Variants in USP34 observed in about 807,000 individuals in gnomAD.
USP34 encodes the protein ubiquitin specific peptidase 34, also known as ubiquitin carboxyl-terminal hydrolase 34.
Under a neutral mutation model 460.3 loss-of-function variants are expected in USP34, and 70 were observed. The observed-to-expected ratio is 0.15, with a 90% CI of 0.13 to 0.19. USP34 has a LOEUF of 0.19. USP34 is among the 10% of genes least tolerant of loss of function. USP34 has a pLI of 1.00. For synonymous variants in USP34, 1,647 were observed against 1,405.3 expected, an observed-to-expected ratio of 1.17 and a Z score of -3.85; for missense variants, 3,985 against 4,236.2, an observed-to-expected ratio of 0.94 and a Z score of 1.65.
intron 18 of USP34, among the ~76,000 whole-genome samples, chr2:61,335,463 T>C (rs979021718): frequency 6.6e-6 from 1 of 152,106 alleles, no homozygotes; most frequent in Non-Finnish European, 1.5e-5. Context: ...CCACAAAGGC[T>C]CAATGGCCAA....
At chr2:61,368,292 C>A (rs949403367) in intron 10 of USP34, among the ~76,000 whole-genome samples, 1 of 152,112 alleles carries the variant, frequency 6.6e-6, no homozygotes, top group Non-Finnish European at 1.5e-5. Context: ...ATTAGCTGGG[C>A]GTGGTGGCGC....
At chr2:61,442,150 A>G (rs775555052) in intron 1 of USP34, among the ~76,000 whole-genome samples, 3 of 152,188 alleles carry the variant, frequency 2.0e-5, no homozygotes, top group Non-Finnish European at 4.4e-5. Flanking sequence ...TAACAAAACT[A>G]TAAGACTACT....
chr2:61,391,023 A>T (rs941424505), intron 5 of USP34, among the ~76,000 whole-genome samples: 10 of 151,866 alleles, frequency 6.6e-5, no homozygotes, highest in African/African-American at 2.4e-4. Context: ...TGAATCTGGG[A>T]GGCGGAGGCT....
chr2:61,189,191 T>A, intron 78 of USP34, 122 bp from the exon 79 acceptor site: 1 of 991,258 alleles, frequency 1.0e-6, no homozygotes, highest in Non-Finnish European at 1.5e-6. Flanking sequence ...ATACCCTGGT[T>A]TCTCTGGGAT....
intron 27 of USP34, among the ~76,000 whole-genome samples, chr2:61,310,634 T>C (rs1047488473): frequency 6.6e-6 from 1 of 150,486 alleles, no homozygotes. Flanking sequence ...ATATCAGATA[T>C]ATACCTATAA....
chr2:61,405,892 T>C lies in USP34; in HGVS notation c.368A>G (p.Glu123Gly), dbSNP rs766987213. The C allele has an allele frequency of 7.4e-6, 12 of 1,613,604 alleles. No individual in the cohort carries two copies. The Admixed American group carries it at 1.5e-4, about 20-fold the overall frequency. Residue 123 changes from glutamate (E) to glycine (G), a missense_variant, in exon 3 of 80, where the codon GAA (glutamate) becomes GGA (glycine). This residue lies in a region of USP34 where 331 missense variants were observed against 293.7 expected (regional missense o/e 1.13). Coordinates refer to ENST00000398571, the MANE Select transcript of USP34 (RefSeq NM_014709.4). ...AATTCTTGTAGAGTTTGATTTTTTT[T>C]CTATTGATTTTTGTCTTTCTGTACT... ...EGSTERQKSI[E>G]KKSNSTRICN...
At chr2:61,294,479 T>C (rs765257333) in intron 32 of USP34, among the ~76,000 whole-genome samples, 1 of 151,996 alleles carries the variant, frequency 6.6e-6, no homozygotes, top group Non-Finnish European at 1.5e-5. Flanking sequence ...AGTGCTGTGG[T>C]GCGATCTCAG....
chr2:61,316,899 A>C (rs925353269), intron 23 of USP34, among the ~76,000 whole-genome samples: 1 of 152,060 alleles, frequency 6.6e-6, no homozygotes, highest in Non-Finnish European at 1.5e-5. Context: ...AAATAATAAT[A>C]ATAAAAATTT....
chr2:61,381,265 A>AACAC (rs528571272), intron 6 of USP34, among the ~76,000 whole-genome samples: 13 of 61,140 alleles, frequency 2.1e-4, no homozygotes, highest in African/African-American at 4.5e-4. Flanking sequence ...AAAAAAATAA[A>AACAC]ACACACACAC....
chr2:61,243,947 T>C (rs1283853333), intron 51 of USP34, among the ~76,000 whole-genome samples: 1 of 151,838 alleles, frequency 6.6e-6, no homozygotes, highest in Non-Finnish European at 1.5e-5. Flanking sequence ...AGTAACTCAA[T>C]ATTTACTTCC....
chr2:61,411,035 T>C (rs1694021113), intron 2 of USP34, among the ~76,000 whole-genome samples: 1 of 151,728 alleles, frequency 6.6e-6, no homozygotes, highest in Admixed American at 6.6e-5. Flanking sequence ...TGAAAACAAG[T>C]TTTTTCTATA....
chr2:61,219,581 G>A (rs927766673), intron 67 of USP34, among the ~76,000 whole-genome samples: 5 of 150,930 alleles, frequency 3.3e-5, no homozygotes, highest in Non-Finnish European at 7.4e-5. Context: ...TGAGGTGAAA[G>A]AATCAGTTGA....
chr2:61,254,822 G>A (rs1688680037), intron 48 of USP34, among the ~76,000 whole-genome samples: 1 of 152,142 alleles, frequency 6.6e-6, no homozygotes. Flanking sequence ...TATAATGTTT[G>A]GCACGCATTA....
intron 5 of USP34, among the ~76,000 whole-genome samples, chr2:61,388,168 AG>A (rs1315684455): frequency 1.3e-5 from 2 of 151,988 alleles, no homozygotes; most frequent in Non-Finnish European, 2.9e-5. Flanking sequence ...GCCTGAGCCC[AG>A]GAAGTGGAGG....
intron 1 of USP34, among the ~76,000 whole-genome samples, chr2:61,456,400 G>A (rs945718510): frequency 6.6e-6 from 1 of 152,180 alleles, no homozygotes; most frequent in Non-Finnish European, 1.5e-5. Flanking sequence ...TTGTCAGGAA[G>A]GTTTTGGAAA....
At chr2:61,448,576 A>C (rs1201516581) in intron 1 of USP34, among the ~76,000 whole-genome samples, 2 of 152,192 alleles carry the variant, frequency 1.3e-5, no homozygotes. Flanking sequence ...ATGAAGATAT[A>C]TTTTTAATAA....
At chr2:61,327,971 G>A (rs1691145239) in intron 20 of USP34, among the ~76,000 whole-genome samples, 1 of 152,136 alleles carries the variant, frequency 6.6e-6, no homozygotes, top group African/African-American at 2.4e-5. Context: ...TCTCTAGAGG[G>A]CACTGGATTC....
At chr2:61,383,000 G>C (rs1235326209) in intron 6 of USP34, among the ~76,000 whole-genome samples, 1 of 152,032 alleles carries the variant, frequency 6.6e-6, no homozygotes, top group Non-Finnish European at 1.5e-5. Flanking sequence ...CTGTGTATTT[G>C]CTGACTAAAT....
At chr2:61,454,406 G>A (rs556252376) in intron 1 of USP34, among the ~76,000 whole-genome samples, 2 of 149,470 alleles carry the variant, frequency 1.3e-5, no homozygotes, top group Non-Finnish European at 3.0e-5. Flanking sequence ...TTACAGGCAT[G>A]AGCCACTGCG....
Sources: allele counts gnomAD v4.1 joint callset (sites outside exome capture counted in the v4.1 genomes callset), GRCh38; gene constraint gnomAD v4.1.1; regional missense constraint gnomAD v4.1.1; transcripts MANE v1.5; gene names NCBI Gene and HGNC (gene_info 2026-07-23, HGNC 2026-07-21).